KCNAB1: variants seen among roughly 807,000 people sequenced by gnomAD.
KCNAB1 encodes the protein potassium voltage-gated channel subfamily A regulatory beta subunit 1.
Under a neutral mutation model 64.6 loss-of-function variants are expected in KCNAB1, and 35 were observed. That is an observed-to-expected ratio of 0.54 (90% CI 0.41 to 0.72). The LOEUF (loss-of-function observed/expected upper bound fraction) is 0.72, where lower values mean the gene tolerates loss of function less well. Ranked by LOEUF, KCNAB1 falls within the 30% of genes least tolerant of loss-of-function variation. The pLI is 0.00. For synonymous variants in KCNAB1, 177 were observed against 183.8 expected (o/e 0.96, Z 0.30); for missense variants, 401 against 512.9 (o/e 0.78, Z 2.11).
chr3:156,291,004 C>T (rs1411280786), intron 1 of KCNAB1: 9 of 985,744 alleles, frequency 9.1e-6, no homozygotes, highest in Middle Eastern at 5.2e-4. Context: ...TGGCGTGTTC[C>T]GCGGCATAAG....
Position 156,407,760 on chromosome 3 carries a change from T to G in KCNAB1, c.276-13856T>G, listed in dbSNP as rs79758511. Reference sequence around the variant, plus strand: ...ACTTAACCCCACACCCCACAAGCTGTGAACATGATCTCTTCCAGCCACATT... The same window carrying G: ...ACTTAACCCCACACCCCACAAGCTGGGAACATGATCTCTTCCAGCCACATT... On this transcript the variant is annotated intron_variant, in intron 1 of 13. Coordinates refer to ENST00000490337, the MANE Select transcript of KCNAB1 (RefSeq NM_172160.3). Among the ~76,000 whole-genome samples the G allele has an allele frequency of 4.8e-3, 732 of 152,302 alleles. 30 individuals carry two copies. In the South Asian group the frequency reaches 0.11, roughly 22 times the overall value.
chr3:156,410,015 C>A lies in KCNAB1; in HGVS notation c.276-11601C>A, dbSNP rs1339958718. Among the ~76,000 whole-genome samples the A allele has an allele frequency of 1.2e-4, 19 of 152,126 alleles. 1 individual carries two copies. The highest frequency in any genetic ancestry group is 1.2e-3 in the Admixed American group (19 of 15,264). On this transcript the variant is annotated intron_variant, in intron 1 of 13. Transcript: ENST00000490337. ...TGCATCTTAGTAGCTACTGAGTAAG[C>A]ATGTGCTGGATTAGAAAAGAAAACA...
chr3:156,423,710 C>G (rs966017017), intron 2 of KCNAB1, among the ~76,000 whole-genome samples: 6 of 151,982 alleles, frequency 3.9e-5, no homozygotes, highest in African/African-American at 1.5e-4. Flanking sequence ...TGTTTTTTTA[C>G]ATAAGATGAT....
chr3:156,500,137 G>T (rs1205880407), intron 8 of KCNAB1, among the ~76,000 whole-genome samples: 1 of 152,176 alleles, frequency 6.6e-6, no homozygotes, highest in Non-Finnish European at 1.5e-5. Context: ...GACAGGAACA[G>T]CCTAGAGTAA....
chr3:156,518,374 C>T (rs1160537228), intron 11 of KCNAB1, among the ~76,000 whole-genome samples: 2 of 151,620 alleles, frequency 1.3e-5, no homozygotes, highest in South Asian at 2.1e-4. Flanking sequence ...ACTTGAGTAT[C>T]GTTACCAGAG....
chr3:156,377,640 C>A (rs531836865), intron 1 of KCNAB1, among the ~76,000 whole-genome samples: 10 of 152,162 alleles, frequency 6.6e-5, no homozygotes, highest in Non-Finnish European at 1.2e-4. Flanking sequence ...TTTTCCTCAT[C>A]GCCACCGAAG....
intron 3 of KCNAB1, chr3:156,456,992 A>G (rs1712485664): frequency 6.4e-6 from 1 of 156,628 alleles, no homozygotes; most frequent in South Asian, 2.0e-4. Flanking sequence ...CAGGAGTTTT[A>G]CAACAGTCAC....
intron 1 of KCNAB1, among the ~76,000 whole-genome samples, chr3:156,130,375 A>G (rs1471661039): frequency 6.6e-6 from 1 of 152,228 alleles, no homozygotes; most frequent in Non-Finnish European, 1.5e-5. Context: ...GAGCTGACCA[A>G]AGTCTATGAC....
At chr3:156,362,242 C>T (rs548974091) in intron 1 of KCNAB1, among the ~76,000 whole-genome samples, 5 of 152,196 alleles carry the variant, frequency 3.3e-5, no homozygotes, top group African/African-American at 1.2e-4. Context: ...TTTCTAAAAG[C>T]GTAATTTTTA....
At chr3:156,357,159 G>GCGCA (rs545909634) in intron 1 of KCNAB1, among the ~76,000 whole-genome samples, 2,186 of 147,392 alleles carry the variant, frequency 0.015, 54 homozygotes, top group African/African-American at 0.05. Flanking sequence ...ACATGTGCGC[G>GCGCA]CACACACACA....
chr3:156,171,183 T>TCACACACACA (rs1273648068), intron 1 of KCNAB1, among the ~76,000 whole-genome samples: 16 of 74,966 alleles, frequency 2.1e-4, no homozygotes, highest in African/African-American at 8.3e-4. Context: ...GTTAGAAACT[T>TCACACACACA]CACGCACACA....
intron 1 of KCNAB1, among the ~76,000 whole-genome samples, chr3:156,204,363 G>T (rs1046637485): frequency 6.6e-6 from 1 of 152,112 alleles, no homozygotes; most frequent in Non-Finnish European, 1.5e-5. Context: ...AACTTCCCAG[G>T]TGGGAAATTA....
At chr3:156,463,955 G>A (rs1379278144) in intron 6 of KCNAB1, among the ~76,000 whole-genome samples, 1 of 151,934 alleles carries the variant, frequency 6.6e-6, no homozygotes, top group African/African-American at 2.4e-5. Context: ...TTAGTGCAAA[G>A]CATGTGGTCA....
intron 1 of KCNAB1, among the ~76,000 whole-genome samples, chr3:156,333,711 T>C (rs1250458814): frequency 6.6e-6 from 1 of 152,226 alleles, no homozygotes; most frequent in Admixed American, 6.5e-5. Context: ...CAAATTATTC[T>C]TTAATAAGAT....
intron 1 of KCNAB1, among the ~76,000 whole-genome samples, chr3:156,206,401 T>G (rs1210013476): frequency 1.3e-5 from 2 of 152,126 alleles, no homozygotes; most frequent in Non-Finnish European, 2.9e-5. Flanking sequence ...CTGGGTTTGG[T>G]GGTATGAGGC....
chr3:156,462,525 C>T (rs949756121), intron 5 of KCNAB1, among the ~76,000 whole-genome samples: 5 of 152,142 alleles, frequency 3.3e-5, no homozygotes, highest in Admixed American at 6.5e-5. Context: ...ATGTATTTAT[C>T]GACCTTCCAT....
At chr3:156,355,759 T>C (rs1201277309) in intron 1 of KCNAB1, among the ~76,000 whole-genome samples, 1 of 152,154 alleles carries the variant, frequency 6.6e-6, no homozygotes, top group Admixed American at 6.5e-5. Context: ...GTATCAGATA[T>C]TGTTTTTCCT....
chr3:156,385,937 G>T (rs2108157576), intron 1 of KCNAB1, among the ~76,000 whole-genome samples: 1 of 152,230 alleles, frequency 6.6e-6, no homozygotes, highest in Admixed American at 6.5e-5. Flanking sequence ...GAAATTGTAT[G>T]GCTCTTCTTA....
At chr3:156,220,487 C>T (rs1036547474) in intron 1 of KCNAB1, among the ~76,000 whole-genome samples, 5 of 152,126 alleles carry the variant, frequency 3.3e-5, no homozygotes, top group East Asian at 3.8e-4. Flanking sequence ...AGCATTTTTT[C>T]GTGTGTCTGT....
Sources: allele counts gnomAD v4.1 joint callset (sites outside exome capture counted in the v4.1 genomes callset), GRCh38; gene constraint gnomAD v4.1.1; transcripts MANE v1.5; gene names NCBI Gene and HGNC (gene_info 2026-07-23, HGNC 2026-07-21).